IGSF3: variants seen among roughly 807,000 people sequenced by gnomAD.
IGSF3 encodes the protein glu-Trp-Ile EWI motif-containing protein 3.
IGSF3 carries 23 observed loss-of-function variants against 114.4 expected under a neutral mutation model. That is an observed-to-expected ratio of 0.20 (90% confidence interval 0.14 to 0.28). The LOEUF is 0.28. IGSF3 is among the 10% of genes least tolerant of loss of function. The pLI is 1.00. For missense variants in IGSF3, 1,172 were observed against 1,591.5 expected, an observed-to-expected ratio of 0.74 and a Z score of 4.48; for synonymous variants, 571 against 645.2, an observed-to-expected ratio of 0.88 and a Z score of 1.74.
rs926008179 is a variant in IGSF3 at position 116,616,525 on chromosome 1, A to G, written c.44-68T>C. ...CAGACCAAAATGCAAAGTAGCCAGC[A>G]ATCTCCAAAGGGTTTGTTATTTGTG... On this transcript the variant is annotated intron_variant, in intron 2 of 10. Coordinates refer to ENST00000369486, the MANE Select transcript of IGSF3 (RefSeq NM_001007237.3). This position sits in a 1 kb window ranked among gnomAD's most constrained non-coding sequence, Gnocchi z 6.6. 1 of 1,394,068 alleles carries G rather than the reference A, an allele frequency of 7.2e-7. No individual in the cohort carries two copies. The highest frequency in any genetic ancestry group is 1.4e-5 in the African/African-American group (1 of 70,040). The allele number at this position is 1,394,068 out of a possible 1,614,324, so 86.4% of individuals were successfully genotyped here.
At chr1:116,617,223 G>A (rs1446479203) in intron 2 of IGSF3, 37 of 909,428 alleles carry the variant, frequency 4.1e-5, no homozygotes, top group South Asian at 3.0e-4. Flanking sequence ...AGACTCCCCC[G>A]CTGACCTCCT....
intron 2 of IGSF3, among the ~76,000 whole-genome samples, chr1:116,637,837 C>T (rs1395530093): frequency 6.6e-6 from 1 of 152,186 alleles, no homozygotes; most frequent in East Asian, 1.9e-4. Flanking sequence ...TTCGATGATT[C>T]AGATGAGTGT....
rs1366586372 is a variant in IGSF3, at chr1:116,575,233, T to G, written c.*2079A>C. 4 of 152,634 alleles carry G rather than the reference T, an allele frequency of 2.6e-5. No individual in the cohort carries two copies. Among genetic ancestry groups the G allele is most frequent in the South Asian group, 2.1e-4 (1 of 4,830 alleles). 9.5% of individuals were successfully genotyped at this position (152,634 alleles called of 1,614,324 possible). A position where few individuals can be genotyped will look rare whatever the true frequency, so the allele number is the denominator to read the frequency against. On this transcript the variant is annotated 3_prime_UTR_variant, in exon 11 of 11. Transcript: ENST00000369486. This position sits in a 1 kb window ranked among gnomAD's most constrained non-coding sequence, Gnocchi z 5.6. Reference sequence around the variant, plus strand: ...TAAAGAAATGGGGCAAAAGACCTTCTTTTTTCATGACTGAGCCGCTCCTGT... The same window carrying G: ...TAAAGAAATGGGGCAAAAGACCTTCGTTTTTCATGACTGAGCCGCTCCTGT...
rs1457739320 is a variant in IGSF3 at position 116,624,092 on chromosome 1, A to G, written c.44-7635T>C. ...ACAGAGAAAGACTCTATCTAAAAAA[A>G]AAACAAAAAAAAGGTCCCTGAGGAT... On this transcript the variant is annotated intron_variant, in intron 2 of 10. Transcript: ENST00000369486. The surrounding 1 kb of genome is among the most constrained non-coding windows in gnomAD (Gnocchi z 4.9). Among the ~76,000 whole-genome samples, 1 of 151,930 alleles carries G rather than the reference A, an allele frequency of 6.6e-6. No homozygotes were observed. The highest frequency in any genetic ancestry group is 1.5e-5 in the Non-Finnish European group (1 of 67,988).
chr1:116,581,677 G>T (rs920814308), intron 9 of IGSF3, among the ~76,000 whole-genome samples: 1 of 152,176 alleles, frequency 6.6e-6, no homozygotes, highest in African/African-American at 2.4e-5. Context: ...AGTGTGCACT[G>T]CTGGCACAGG....
chr1:116,632,483 G>A lies in IGSF3; in HGVS notation c.44-16026C>T, dbSNP rs613854. Among the ~76,000 whole-genome samples, 83,289 of 152,134 alleles carry A rather than the reference G, an allele frequency of 0.55. 25,985 individuals are homozygous for A. Among genetic ancestry groups the A allele is most frequent in the African/African-American group, 0.86 (35,908 of 41,522 alleles). ...ACTATGGAACAGCTAACCACACAAC[G>A]CAGCATACTGAATGAGAAGCCTCGC... On this transcript the variant is annotated intron_variant, in intron 2 of 10. Transcript: ENST00000369486. The surrounding 1 kb of genome is among the most constrained non-coding windows in gnomAD (Gnocchi z 5.1).
In IGSF3 at chr1:116,632,907, T is replaced by C. The variant is rs1329304974; in HGVS notation, c.44-16450A>G. On this transcript the variant is annotated intron_variant, in intron 2 of 10. Transcript: ENST00000369486. The surrounding 1 kb of genome is among the most constrained non-coding windows in gnomAD (Gnocchi z 5.1). ...TGTGTTTACCAAGCATTTGATTTACTTGCTCAGGCAAAATTCCAGAAGAGA... is the reference window on the plus strand; with the variant it reads ...TGTGTTTACCAAGCATTTGATTTACCTGCTCAGGCAAAATTCCAGAAGAGA... Among the ~76,000 whole-genome samples the C allele has an allele frequency of 2.0e-5, 3 of 152,258 alleles. No individual in the cohort carries two copies. The highest frequency in any genetic ancestry group is 7.2e-5 in the African/African-American group (3 of 41,470).
At position 116,655,331 on chromosome 1, in the gene IGSF3, T is replaced by C. The variant is rs556073125; in HGVS notation, c.43+10953A>G. The stretch of plus-strand genomic sequence containing the variant: ...GGACAAGGGATAGAAAGTCAAACAC[T>C]GATGTTTAAGAAGGGATGACTATGA... On this transcript the variant is annotated intron_variant, in intron 2 of 10. Transcript: ENST00000369486. The surrounding 1 kb of genome is among the most constrained non-coding windows in gnomAD (Gnocchi z 4.3). 2.0e-5 allele frequency among the ~76,000 whole-genome samples: 3 copies of C among 152,320 alleles called. No individual in the cohort carries two copies. The South Asian group carries it at 6.2e-4, about 32-fold the overall frequency.
At chr1:116,639,522 A>G (rs1422394718) in intron 2 of IGSF3, among the ~76,000 whole-genome samples, 1 of 152,216 alleles carries the variant, frequency 6.6e-6, no homozygotes, top group Non-Finnish European at 1.5e-5. Context: ...ATCAGTCTAC[A>G]CAGAGGCAAG....
At chr1:116,599,183 C>T (rs1341457670) in intron 7 of IGSF3, among the ~76,000 whole-genome samples, 2 of 152,082 alleles carry the variant, frequency 1.3e-5, no homozygotes, top group South Asian at 2.1e-4. Context: ...TGACCTTCAG[C>T]GCCTCATGCA....
At position 116,576,228 on chromosome 1, in the gene IGSF3, C is replaced by T. The variant is rs1037310349; in HGVS notation, c.*1084G>A. 2 of 152,894 alleles carry T rather than the reference C, an allele frequency of 1.3e-5. No individual in the cohort carries two copies. Among genetic ancestry groups the T allele is most frequent in the Non-Finnish European group, 2.9e-5 (2 of 68,272 alleles). The allele number at this position is 152,894 out of a possible 1,614,324, so 9.5% of individuals were successfully genotyped here. A position where few individuals can be genotyped will look rare whatever the true frequency, so the allele number is the denominator to read the frequency against. ...CCACCAAACTTAGTGTCAGCCAGCC[C>T]CGTGCCCTCCGTCAGGTGTCTGCCA... On this transcript the variant is annotated 3_prime_UTR_variant, in exon 11 of 11. Coordinates refer to ENST00000369486, the MANE Select transcript of IGSF3 (RefSeq NM_001007237.3). The surrounding 1 kb of genome is among the most constrained non-coding windows in gnomAD (Gnocchi z 4.6).
At position 116,664,488 on chromosome 1, in the gene IGSF3, C is replaced by A. The variant is rs1649248170; in HGVS notation, c.43+1796G>T. On this transcript the variant is annotated intron_variant, in intron 2 of 10. Transcript: ENST00000369486. The surrounding 1 kb of genome is among the most constrained non-coding windows in gnomAD (Gnocchi z 4.6). ...TTACTTCTCCTGCCCTGGGCCCCAC[C>A]CTGCCACTCAGCCCTCTTTCCCGCC... 6.6e-6 allele frequency among the ~76,000 whole-genome samples: 1 copy of A among 152,154 alleles called. No individual in the cohort carries two copies. The highest frequency in any genetic ancestry group is 1.5e-5 in the Non-Finnish European group (1 of 68,020).
In IGSF3 at chr1:116,628,461, C is replaced by T. The variant is rs1252505929; in HGVS notation, c.44-12004G>A. Among the ~76,000 whole-genome samples, 1 of 152,042 alleles carries T rather than the reference C, an allele frequency of 6.6e-6. No homozygotes were observed. Among genetic ancestry groups the T allele is most frequent in the Non-Finnish European group, 1.5e-5 (1 of 68,020 alleles). On this transcript the variant is annotated intron_variant, in intron 2 of 10. Transcript: ENST00000369486. The surrounding 1 kb of genome is among the most constrained non-coding windows in gnomAD (Gnocchi z 4.2). ...TGGGGTCATTTACAATGTGCATTTC[C>T]CCAACACACTCAGATCTAGGTGACC...
In IGSF3 at chr1:116,608,176, G is replaced by A. The variant is rs1324614877; in HGVS notation, c.988C>T (p.Pro330Ser). 1.9e-6 allele frequency: 3 copies of A among 1,612,202 alleles called. No homozygotes were observed. Among genetic ancestry groups the A allele is most frequent in the Admixed American group, 1.7e-5 (1 of 59,994 alleles). ...CTGTTGAGGACAGGCACAGCGTTAG[G>A]ACCCATGGTGGCGATGAGCGAGCTG... ...FNSSLIATMG[P>S]NAVPVLNSEF... The change falls in exon 5 of 11, where the codon CCT becomes TCT. Residue 330 changes from proline to serine, a missense_variant. Physicochemically the swap from Pro to Ser is moderately conservative, Grantham distance 74. Around this residue, in one of 3 missense-constraint regions of IGSF3, gnomAD observed 736 missense variants for 1,042.0 expected, o/e 0.71. Coordinates refer to ENST00000369486, the MANE Select transcript of IGSF3 (RefSeq NM_001007237.3).
rs989052893 is a variant in IGSF3, at chr1:116,662,559, C to T, written c.43+3725G>A. ...ACCAGCAGTCTTGCTGCCATGAAAACCGTAGAAGATGGCAACATCTTAACA... is the reference window on the plus strand; with the variant it reads ...ACCAGCAGTCTTGCTGCCATGAAAATCGTAGAAGATGGCAACATCTTAACA... On this transcript the variant is annotated intron_variant, in intron 2 of 10. Coordinates refer to ENST00000369486, the MANE Select transcript of IGSF3 (RefSeq NM_001007237.3). The surrounding 1 kb of genome is among the most constrained non-coding windows in gnomAD (Gnocchi z 4.3). Among the ~76,000 whole-genome samples the T allele has an allele frequency of 6.6e-6, 1 of 152,178 alleles. No individual in the cohort carries two copies. Among genetic ancestry groups the T allele is most frequent in the African/African-American group, 2.4e-5 (1 of 41,432 alleles).
rs1048363695 is a variant in IGSF3, at chr1:116,640,010, A to G, written c.44-23553T>C. 2.0e-5 allele frequency among the ~76,000 whole-genome samples: 3 copies of G among 148,058 alleles called. No homozygotes were observed. The East Asian group carries it at 5.9e-4, about 29-fold the overall frequency. On this transcript the variant is annotated intron_variant, in intron 2 of 10. Coordinates refer to ENST00000369486, the MANE Select transcript of IGSF3 (RefSeq NM_001007237.3). ...AGCCGAGATGGCACCGCGGCACTCCAGCCTGAGCAACAGCGTGACTCTATC... is the reference window on the plus strand; with the variant it reads ...AGCCGAGATGGCACCGCGGCACTCCGGCCTGAGCAACAGCGTGACTCTATC...
In IGSF3 at chr1:116,589,074, C is replaced by G. The variant is rs769692790; in HGVS notation, c.2060G>C (p.Arg687Thr). 4 of 1,613,950 alleles carry G rather than the reference C, an allele frequency of 2.5e-6. No individual in the cohort carries two copies. The highest frequency in any genetic ancestry group is 3.4e-6 in the Non-Finnish European group (4 of 1,179,874). The part of the protein sequence containing the change: ...VTKLQVSKSK[R>T]TLTLVENKPI... Reference sequence around the variant, plus strand: ...CTTGTTTTCCACCAGGGTGAGGGTCCTCTTCGATTTGCTCACCTGCAGCTT... The same window carrying G: ...CTTGTTTTCCACCAGGGTGAGGGTCGTCTTCGATTTGCTCACCTGCAGCTT... The change falls in exon 8 of 11, where the codon AGG becomes ACG. Residue 687 changes from arginine to threonine, a missense_variant. Arg to Thr is a moderately conservative substitution (Grantham distance 71). This residue lies in a region of IGSF3 where 736 missense variants were observed against 1,042.0 expected (regional missense o/e 0.71). Transcript: ENST00000369486. The surrounding 1 kb of genome is among the most constrained non-coding windows in gnomAD (Gnocchi z 5.7).
Position 116,616,035 on chromosome 1 carries a change from T to C in IGSF3, c.421+45A>G. On this transcript the variant is annotated intron_variant, in intron 3 of 10. Transcript: ENST00000369486. This position sits in a 1 kb window ranked among gnomAD's most constrained non-coding sequence, Gnocchi z 6.6. ...AAGCAAAATTACGCTACTAAAGAAC[T>C]GAGTCAGGCCAGACGCTGGCAACGT... The C allele has an allele frequency of 1.3e-6, 2 of 1,523,856 alleles. No individual in the cohort carries two copies. The highest frequency in any genetic ancestry group is 1.8e-6 in the Non-Finnish European group (2 of 1,126,600). The allele number at this position is 1,523,856 out of a possible 1,614,324, so 94.4% of individuals were successfully genotyped here.
rs559824561 is a variant in IGSF3, at chr1:116,613,315, C to T, written c.832+450G>A. On this transcript the variant is annotated intron_variant, in intron 4 of 10. Coordinates refer to ENST00000369486, the MANE Select transcript of IGSF3 (RefSeq NM_001007237.3). ...ATTTCTCTAGTTCATAATGTTAGAC[C>T]TTGGATGGAAGTCTCATTATCTCAA... is the stretch of plus-strand genomic sequence containing the variant. Among the ~76,000 whole-genome samples, 7 of 152,118 alleles carry T rather than the reference C, an allele frequency of 4.6e-5. No homozygotes were observed. The South Asian group carries it at 1.5e-3, about 32-fold the overall frequency.
Sources: allele counts gnomAD v4.1 joint callset (sites outside exome capture counted in the v4.1 genomes callset), GRCh38; gene constraint gnomAD v4.1.1; regional missense constraint gnomAD v4.1.1; non-coding constraint Gnocchi (gnomAD v3.1); transcripts MANE v1.5; gene names NCBI Gene and HGNC (gene_info 2026-07-23, HGNC 2026-07-21).